The following CCDC57 variants were observed in gnomAD, a reference collection of about 807,000 sequenced individuals.
The protein encoded by CCDC57 is coiled-coil domain containing 57.
CCDC57 carries 118 observed loss-of-function variants against 118.9 expected under a neutral mutation model. The observed-to-expected ratio is 0.99, with a 90% CI of 0.86 to 1.16. CCDC57 has a LOEUF of 1.16. Ranked by LOEUF, CCDC57 falls within the 50% of genes most tolerant of loss-of-function variation. The pLI is 0.00. For missense variants in CCDC57, 1,300 were observed against 1,320.7 expected (o/e 0.98, Z 0.24); for synonymous variants, 527 against 532.9 (o/e 0.99, Z 0.15).
At chr17:82,157,339 G>A (rs2042797390) in intron 15 of CCDC57, 2 of 656,570 alleles carry the variant, frequency 3.0e-6, no homozygotes, top group African/African-American at 3.9e-5. Flanking sequence ...TCCCCACGCA[G>A]GGAGGGCCCA....
Position 82,193,956 on chromosome 17 carries a change from CCTCGGGAGATGAAGGACTCGCG to C in CCDC57, c.776+4_776+25del. On this transcript the variant is annotated splice_donor_5th_base_variant and intron_variant, in intron 6 of 19. Transcript: ENST00000665763. ...GCCTGCGAGGCTGCCACAGAGCACG[CCTCGGGAGATGAAGGACTCGCG>C]CACCGGGCGCGGCTCATGGCCTCCA... The C allele has an allele frequency of 6.3e-7, 1 of 1,598,006 alleles. No homozygotes were observed.
intron 19 of CCDC57, among the ~76,000 whole-genome samples, chr17:82,119,219 T>C (rs2036338996): frequency 6.6e-6 from 1 of 152,080 alleles, no homozygotes; most frequent in Non-Finnish European, 1.5e-5. Context: ...CTTTGTATAT[T>C]TAATGCTTCC....
rs1485392490 is a variant in CCDC57, at chr17:82,192,422, T to C, written c.851+1334A>G. On this transcript the variant is annotated intron_variant, in intron 7 of 19. Coordinates refer to ENST00000665763, the Ensembl canonical transcript of CCDC57. The surrounding 1 kb of genome is among the most constrained non-coding windows in gnomAD (Gnocchi z 4.0). ...AGTTTTTGGGGAGTGAAAAGTTATA[T>C]GTGAATTTTTGACCTCATGGGGCTA... is the stretch of plus-strand genomic sequence containing the variant. Among the ~76,000 whole-genome samples the C allele has an allele frequency of 6.6e-6, 1 of 152,226 alleles. No individual in the cohort carries two copies. The highest frequency in any genetic ancestry group is 1.5e-5 in the Non-Finnish European group (1 of 68,036).
chr17:82,102,602 G>A (rs538231503), intron 19 of CCDC57, among the ~76,000 whole-genome samples: 1 of 152,132 alleles, frequency 6.6e-6, no homozygotes, highest in Non-Finnish European at 1.5e-5. Flanking sequence ...CCATGCAAGG[G>A]CTGGGCTTGG....
intron 19 of CCDC57, among the ~76,000 whole-genome samples, chr17:82,108,585 T>C (rs1193838780): frequency 6.6e-6 from 1 of 152,108 alleles, no homozygotes; most frequent in Non-Finnish European, 1.5e-5. Context: ...CAGATTTTCA[T>C]TCACAAAAAA....
intron 16 of CCDC57, among the ~76,000 whole-genome samples, chr17:82,151,287 G>C (rs1303385659): frequency 8.3e-6 from 1 of 120,044 alleles, no homozygotes; most frequent in South Asian, 2.8e-4. Context: ...CCAGAACCAG[G>C]CGCATACCCA....
chr17:82,178,297 C>A lies in CCDC57; in HGVS notation c.1506+177G>T, dbSNP rs367571928. Among the ~76,000 whole-genome samples, 6 of 152,328 alleles carry A rather than the reference C, an allele frequency of 3.9e-5. No homozygotes were observed. The South Asian group carries it at 1.0e-3, about 26-fold the overall frequency. On this transcript the variant is annotated intron_variant, in intron 11 of 19. Coordinates refer to ENST00000665763, the Ensembl canonical transcript of CCDC57. The stretch of plus-strand genomic sequence containing the variant: ...TCGAATATGAAAGATACAAAGAAGC[C>A]TGAGTTCACCTTAACTCTCTAAAGC...
chr17:82,153,265 G>A (rs555961685), intron 15 of CCDC57, among the ~76,000 whole-genome samples: 2 of 152,342 alleles, frequency 1.3e-5, no homozygotes, highest in African/African-American at 4.8e-5. Flanking sequence ...AGACTCGCAA[G>A]TCCGGTTCTA....
At chr17:82,115,938 C>T (rs2035847084) in intron 19 of CCDC57, among the ~76,000 whole-genome samples, 1 of 150,596 alleles carries the variant, frequency 6.6e-6, no homozygotes, top group South Asian at 2.1e-4. Context: ...GCTGGGTTTA[C>T]AGGTGCCTGC....
At chr17:82,105,949 C>T (rs563473874) in intron 19 of CCDC57, among the ~76,000 whole-genome samples, 5 of 152,246 alleles carry the variant, frequency 3.3e-5, no homozygotes, top group Admixed American at 1.3e-4. Context: ...CTTCAGGCCC[C>T]GCCTGCTGGC....
chr17:82,196,350 G>A (rs924314025), intron 4 of CCDC57, among the ~76,000 whole-genome samples: 2 of 152,168 alleles, frequency 1.3e-5, no homozygotes, highest in African/African-American at 2.4e-5. Context: ...ATCCATAATC[G>A]ACAAAGCTCT....
At chr17:82,107,104 G>A (rs1228750803) in intron 19 of CCDC57, among the ~76,000 whole-genome samples, 1 of 152,206 alleles carries the variant, frequency 6.6e-6, no homozygotes, top group Admixed American at 6.5e-5. Flanking sequence ...CAGGAGCTAC[G>A]CCAGCCACAC....
At chr17:82,133,526 T>C (rs1481829861) in intron 17 of CCDC57, among the ~76,000 whole-genome samples, 3 of 148,664 alleles carry the variant, frequency 2.0e-5, no homozygotes, top group East Asian at 3.9e-4. Flanking sequence ...TGTAAAGCTA[T>C]AGTAAAACAT....
chr17:82,120,922 A>C (rs2036592725), intron 19 of CCDC57, among the ~76,000 whole-genome samples: 1 of 152,054 alleles, frequency 6.6e-6, no homozygotes, highest in South Asian at 2.1e-4. Flanking sequence ...CGCCCGGCTA[A>C]TTTTTTGTAT....
intron 13 of CCDC57, among the ~76,000 whole-genome samples, 170 bp downstream of exon 12, chr17:82,171,531 G>A (rs2044734832): frequency 6.6e-6 from 1 of 152,212 alleles, no homozygotes; most frequent in African/African-American, 2.4e-5. Context: ...GCAGTGAGGA[G>A]CCAGGGCACG....
chr17:82,151,754 G>T, exon 16 of CCDC57: 1 of 1,550,184 alleles, frequency 6.5e-7, no homozygotes, highest in Non-Finnish European at 8.7e-7. Context: ...GGCCTCCATA[G>T]GCCCTCTCTT....
In CCDC57 at chr17:82,151,691, T is replaced by TG. The variant is rs767464217; in HGVS notation, c.2323dup (p.Gln775ProfsTer57). On this transcript the variant is annotated frameshift_variant, in exon 16 of 20. Coordinates refer to ENST00000665763, the Ensembl canonical transcript of CCDC57. LOFTEE classifies it high-confidence loss of function. Reference sequence around the variant, plus strand: ...CTGGAGTCGGTGCATAGATAAGGTCTGGGGGGCACGTGCCACTGACCGGAG... The same window carrying TG: ...CTGGAGTCGGTGCATAGATAAGGTCTGGGGGGGCACGTGCCACTGACCGGAG... The TG allele has an allele frequency of 3.9e-6, 6 of 1,550,248 alleles. No individual in the cohort carries two copies. In the African/African-American group the frequency reaches 4.1e-5, roughly 11 times the overall value.
rs1306685441 is a variant in CCDC57, at chr17:82,188,353, G to A, written c.918C>T (p.His306=). The A allele has an allele frequency of 5.0e-6, 8 of 1,610,620 alleles. No individual in the cohort carries two copies. The Admixed American group carries it at 5.0e-5, about 10-fold the overall frequency. The change falls in exon 8 of 20, where the codon CAC becomes CAT. Residue 306 remains histidine (H), a synonymous_variant. Transcript: ENST00000665763. ...TCTGCAGCTCCTGCAGCTGCTCCAC[G>A]TGGGCTCCCTTCACCGCCACCAGCA...
At chr17:82,115,301 AGGGGG>A (rs1568151529) in intron 19 of CCDC57, among the ~76,000 whole-genome samples, 25 of 76,610 alleles carry the variant, frequency 3.3e-4, no homozygotes, top group African/African-American at 1.0e-3. Context: ...AGGGGGCAAG[AGGGGG>A]CAAGAGGGGG....
Sources: gnomAD v4.1 joint callset for allele counts (sites outside exome capture counted in the v4.1 genomes callset) on GRCh38, gnomAD v4.1.1 for gene constraint, Gnocchi (gnomAD v3.1) non-coding constraint, MANE v1.5 for transcripts, NCBI Gene and HGNC (gene_info 2026-07-23, HGNC 2026-07-21) for gene names.